ZNF438: variants seen among roughly 807,000 people sequenced by gnomAD.
The protein encoded by ZNF438 is zinc finger protein 438.
A neutral mutation model predicts 38.0 loss-of-function variants in ZNF438; 25 were observed. That is an observed-to-expected ratio of 0.66 (90% confidence interval 0.48 to 0.92). ZNF438 has a LOEUF of 0.92. Ranked by LOEUF, ZNF438 falls within the 40% of genes least tolerant of loss-of-function variation. The probability of loss-of-function intolerance (pLI) is 0.00; values close to 1 mark genes in which losing one functional copy is unlikely to be tolerated. For missense variants in ZNF438, 1,007 were observed against 999.6 expected (o/e 1.01, Z -0.10); for synonymous variants, 372 against 364.1 (o/e 1.02, Z -0.25).
chr10:30,970,523 ACT>A (rs1171953383), intron 1 of ZNF438, among the ~76,000 whole-genome samples: 1 of 152,058 alleles, frequency 6.6e-6, no homozygotes, highest in African/African-American at 2.4e-5. Flanking sequence ...CAGACTTAAA[ACT>A]CTCTGAGAGC....
At chr10:30,875,320 CAT>C in intron 4 of ZNF438, 12 of 985,438 alleles carry the variant, frequency 1.2e-5, no homozygotes, top group Non-Finnish European at 1.4e-5. Context: ...TAGTTACTCA[CAT>C]AGACTCACCT....
At chr10:30,926,628 T>G (rs2044964310) in intron 2 of ZNF438, among the ~76,000 whole-genome samples, 1 of 150,662 alleles carries the variant, frequency 6.6e-6, no homozygotes, top group African/African-American at 2.4e-5. Context: ...ATTGTGCCAC[T>G]GCACTCCAGC....
At chr10:31,022,907 G>A (rs139434815) in intron 1 of ZNF438, among the ~76,000 whole-genome samples, 2 of 152,238 alleles carry the variant, frequency 1.3e-5, no homozygotes, top group African/African-American at 4.8e-5. Flanking sequence ...GAATTTTTAA[G>A]CTACAGGAAT....
intron 3 of ZNF438, among the ~76,000 whole-genome samples, chr10:30,905,807 C>T (rs2042521832): frequency 6.6e-6 from 1 of 152,056 alleles, no homozygotes. Flanking sequence ...TCCACTTGTC[C>T]CAAGACTACT....
chr10:30,872,416 A>C, intron 4 of ZNF438, among the ~76,000 whole-genome samples: 1 of 109,094 alleles, frequency 9.2e-6, no homozygotes, highest in Non-Finnish European at 1.8e-5. Flanking sequence ...ACAGAACAAG[A>C]CTCTGTCTCA....
chr10:30,848,769 G>T (rs751881615), exon 5 of ZNF438: 1 of 1,614,206 alleles, frequency 6.2e-7, no homozygotes, highest in Non-Finnish European at 8.5e-7. Context: ...CTGCCAGGAC[G>T]TACATAGGAC....
chr10:30,946,139 T>C (rs1176292406), intron 1 of ZNF438, among the ~76,000 whole-genome samples: 2 of 151,986 alleles, frequency 1.3e-5, no homozygotes, highest in African/African-American at 2.4e-5. Context: ...TGATTTGCAT[T>C]TCTCTGATGG....
chr10:31,015,455 C>T (rs562909851), intron 1 of ZNF438, among the ~76,000 whole-genome samples: 3 of 152,150 alleles, frequency 2.0e-5, no homozygotes, highest in African/African-American at 7.2e-5. Flanking sequence ...ACCAGCCTGG[C>T]CAACACGGTG....
At chr10:30,846,243 A>T (rs930161910) in intron 5 of ZNF438, among the ~76,000 whole-genome samples, 2 of 152,214 alleles carry the variant, frequency 1.3e-5, no homozygotes, top group African/African-American at 2.4e-5. Flanking sequence ...GAAGAGGAGA[A>T]GATTTCATAT....
At chr10:30,971,397 T>C (rs370996567) in intron 1 of ZNF438, among the ~76,000 whole-genome samples, 2 of 152,244 alleles carry the variant, frequency 1.3e-5, no homozygotes, top group African/African-American at 4.8e-5. Flanking sequence ...AACATATCCA[T>C]CTGTGGTATG....
At chr10:30,881,315 AATTAT>A (rs2039223219) in intron 3 of ZNF438, among the ~76,000 whole-genome samples, 1 of 152,192 alleles carries the variant, frequency 6.6e-6, no homozygotes, top group African/African-American at 2.4e-5. Flanking sequence ...TGCAAAAATA[AATTAT>A]ATTTTTGTAT....
intron 4 of ZNF438, among the ~76,000 whole-genome samples, chr10:30,864,981 C>A (rs2036187916): frequency 6.6e-6 from 1 of 152,338 alleles, no homozygotes; most frequent in African/African-American, 2.4e-5. Flanking sequence ...TGCAAGATCA[C>A]AAAGCAGGTA....
At chr10:31,000,923 C>G (rs1488428134) in intron 1 of ZNF438, among the ~76,000 whole-genome samples, 1 of 152,190 alleles carries the variant, frequency 6.6e-6, no homozygotes, top group Admixed American at 6.5e-5. Context: ...TTCTACCTTT[C>G]TGTTCATGCT....
intron 1 of ZNF438, among the ~76,000 whole-genome samples, chr10:30,986,741 A>G (rs749158084): frequency 3.3e-5 from 5 of 152,192 alleles, no homozygotes; most frequent in Non-Finnish European, 7.3e-5. Context: ...TCATTTGCGC[A>G]TGACCCTTGA....
At chr10:30,904,357 T>C (rs1589121725) in intron 3 of ZNF438, among the ~76,000 whole-genome samples, 2 of 152,208 alleles carry the variant, frequency 1.3e-5, no homozygotes, top group East Asian at 3.9e-4. Context: ...TTACCTCCCC[T>C]ATCTTGGCTT....
chr10:31,011,794 T>C (rs1181919477), intron 1 of ZNF438, among the ~76,000 whole-genome samples: 1 of 152,248 alleles, frequency 6.6e-6, no homozygotes, highest in Non-Finnish European at 1.5e-5. Flanking sequence ...GCAGCCAGTA[T>C]GAGCCTTCAG....
At chr10:30,920,055 T>C (rs2044116643) in intron 2 of ZNF438, 1 of 152,266 alleles carries the variant, frequency 6.6e-6, no homozygotes, top group African/African-American at 2.4e-5. Context: ...ATTTTCCATC[T>C]CATCTGTCTC....
Position 30,850,092 on chromosome 10 carries a change from G to A in ZNF438, c.313C>T (p.Pro105Ser), listed in dbSNP as rs1588742996. 3.7e-6 allele frequency: 6 copies of A among 1,614,120 alleles called. No individual in the cohort carries two copies. The East Asian group carries it at 1.3e-4, about 36-fold the overall frequency. ...AGGGACATTCTGGGTTTCTGAATTG[G>A]CTGAGCTGAGGCAACATGTGGCAGA... Residue 105 changes from proline (P) to serine (S), a missense_variant, in exon 5 of 6, where the codon CCA (proline) becomes TCA (serine). Physicochemically the swap from Pro to Ser is moderately conservative, Grantham distance 74. Transcript: ENST00000413025.
chr10:30,967,062 G>T lies in ZNF438; in HGVS notation c.-191-25411C>A, dbSNP rs537851847. On this transcript the variant is annotated intron_variant, in intron 1 of 5. Coordinates refer to ENST00000413025, the Ensembl canonical transcript of ZNF438. ...AGAATAAACTTACCCTTGGAGCCTT[G>T]TCCAAACAAAAGCTCTTTACCTGAG... Among the ~76,000 whole-genome samples, 9 of 152,288 alleles carry T rather than the reference G, an allele frequency of 5.9e-5. No homozygotes were observed. In the South Asian group the frequency reaches 1.9e-3, roughly 32 times the overall value.
Sources: gnomAD v4.1 joint callset for allele counts (sites outside exome capture counted in the v4.1 genomes callset) on GRCh38, gnomAD v4.1.1 for gene constraint, MANE v1.5 for transcripts, NCBI Gene and HGNC (gene_info 2026-07-23, HGNC 2026-07-21) for gene names.